Variants in GALE observed in about 807,000 individuals in gnomAD.
GALE encodes the protein UDP-glucose 4-epimerase.
A neutral mutation model predicts 44.1 loss-of-function variants in GALE; 32 were observed. The observed-to-expected ratio is 0.73, with a 90% CI of 0.55 to 0.97. The LOEUF is 0.97. GALE is among the 50% of genes least tolerant of loss of function. GALE has a pLI of 0.00. For synonymous variants in GALE, 182 were observed against 183.5 expected (o/e 0.99, Z 0.06); for missense variants, 423 against 455.6 (o/e 0.93, Z 0.65).
Position 23,798,199 on chromosome 1 carries a change from C to G in GALE, c.269G>C (p.Gly90Ala). 1 of 1,614,094 alleles carries G rather than the reference C, an allele frequency of 6.2e-7. No homozygotes were observed. Among genetic ancestry groups the G allele is most frequent in the Non-Finnish European group, 8.5e-7 (1 of 1,180,028 alleles). The change falls in exon 5 of 12, where the codon GGG (glycine) becomes GCG (alanine). Residue 90 changes from glycine to alanine, a missense_variant. Gly to Ala is a moderately conservative substitution (Grantham distance 60). Coordinates refer to ENST00000617979, the MANE Select transcript of GALE (RefSeq NM_001008216.2). This position sits in a 1 kb window ranked among gnomAD's most constrained non-coding sequence, Gnocchi z 4.5. ...YSFMAVIHFA[G>A]LKAVGESVQK... ...CACCGACTCGCCCACGGCCTTGAGC[C>G]CCGCAAAGTGGATGACCGCCATAAA... is the stretch of plus-strand genomic sequence containing the variant.
At chr1:23,797,412 G>A (rs575176509) in intron 6 of GALE, among the ~76,000 whole-genome samples, 1 of 152,248 alleles carries the variant, frequency 6.6e-6, no homozygotes, top group South Asian at 2.1e-4. Flanking sequence ...AGAGATGGGG[G>A]TTTTACCATG....
Position 23,795,901 on chromosome 1 carries a change from G to C in GALE, c.*48C>G, listed in dbSNP as rs1451835318. Reference sequence around the variant, plus strand: ...GGCCCTGAGTTCCTGCCAGAGGCTGGAGAGCAGGCAGCTGCTGCTTTTCCT... The same window carrying C: ...GGCCCTGAGTTCCTGCCAGAGGCTGCAGAGCAGGCAGCTGCTGCTTTTCCT... On this transcript the variant is annotated 3_prime_UTR_variant, in exon 12 of 12. Coordinates refer to ENST00000617979, the MANE Select transcript of GALE (RefSeq NM_001008216.2). 1 of 1,575,624 alleles carries C rather than the reference G, an allele frequency of 6.3e-7. No homozygotes were observed. The highest frequency in any genetic ancestry group is 8.7e-7 in the Non-Finnish European group (1 of 1,147,290).
chr1:23,799,034 C>T, intron 2 of GALE, 22 bp from the exon 3 acceptor site: 2 of 1,614,072 alleles, frequency 1.2e-6, no homozygotes, highest in Non-Finnish European at 1.7e-6. Flanking sequence ...TACAGAGTCT[C>T]AGAGGTGGCT....
In GALE at chr1:23,796,303, G is replaced by T; in HGVS notation, c.874-38C>A. ...AGGTAGTTGGAGCTTAGCTGAGCCG[G>T]CCCTGGCCCAGCTGCTGGCCAGGTC... On this transcript the variant is annotated intron_variant, in intron 10 of 11. Coordinates refer to ENST00000617979, the MANE Select transcript of GALE (RefSeq NM_001008216.2). This position sits in a 1 kb window ranked among gnomAD's most constrained non-coding sequence, Gnocchi z 5.2. The T allele has an allele frequency of 6.3e-7, 1 of 1,586,674 alleles. No homozygotes were observed. Among genetic ancestry groups the T allele is most frequent in the Non-Finnish European group, 8.7e-7 (1 of 1,154,950 alleles).
chr1:23,797,194 G>T, intron 6 of GALE, 47 bp from the exon 7 acceptor site: 2 of 1,354,274 alleles, frequency 1.5e-6, no homozygotes, highest in Non-Finnish European at 2.1e-6. Context: ...CAGGCAGCGT[G>T]TCCCAGCTGA....
At chr1:23,797,323 A>G (rs534582885) in intron 6 of GALE, among the ~76,000 whole-genome samples, 176 bp from the exon 7 acceptor site, 2 of 152,078 alleles carry the variant, frequency 1.3e-5, no homozygotes, top group Non-Finnish European at 2.9e-5. Context: ...GGTTCAAGCA[A>G]TTCTTGTGCC....
In GALE at chr1:23,798,955, G is replaced by C; in HGVS notation, c.53C>G (p.Thr18Arg). 9.3e-6 allele frequency: 15 copies of C among 1,614,072 alleles called. No homozygotes were observed. Among genetic ancestry groups the C allele is most frequent in the Non-Finnish European group, 1.3e-5 (15 of 1,179,976 alleles). The part of the protein sequence containing the change: ...TGGAGYIGSH[T>R]VLELLEAGYL... Reference sequence around the variant, plus strand: ...GCCAGCCTCCAGCAGCTCCAGCACCGTGTGGCTGCCAATGTAGCCAGCCCC... The same window carrying C: ...GCCAGCCTCCAGCAGCTCCAGCACCCTGTGGCTGCCAATGTAGCCAGCCCC... The change falls in exon 3 of 12, where the codon ACG becomes AGG. Residue 18 changes from threonine to arginine, a missense_variant. Transcript: ENST00000617979. The surrounding 1 kb of genome is among the most constrained non-coding windows in gnomAD (Gnocchi z 4.5).
In GALE at chr1:23,795,792, C is replaced by T; in HGVS notation, c.*157G>A. On this transcript the variant is annotated 3_prime_UTR_variant, in exon 12 of 12. Coordinates refer to ENST00000617979, the MANE Select transcript of GALE (RefSeq NM_001008216.2). ...ACCTCGGCCTCCTGGTCAGTGGAGC[C>T]CTTGGCCTCATGCCTGGTGGGCTAA... 1.4e-6 allele frequency: 1 copy of T among 712,800 alleles called. No individual in the cohort carries two copies. Among genetic ancestry groups the T allele is most frequent in the Admixed American group, 2.1e-5 (1 of 46,986 alleles). 44.2% of individuals were successfully genotyped at this position (712,800 alleles called of 1,614,324 possible).
chr1:23,799,118 G>T, intron 2 of GALE, 106 bp from the exon 3 acceptor site: 1 of 1,463,414 alleles, frequency 6.8e-7, no homozygotes, highest in Non-Finnish European at 9.4e-7. Flanking sequence ...AGGCGGCAGT[G>T]TGCCCTAGGT....
chr1:23,795,667 GTGCC>G lies in GALE; in HGVS notation c.*278_*281del, dbSNP rs1638923711. On this transcript the variant is annotated 3_prime_UTR_variant, in exon 12 of 12. Coordinates refer to ENST00000617979, the MANE Select transcript of GALE (RefSeq NM_001008216.2). ...AGCTCTTTCAGAGCAATATAAATGA[GTGCC>G]TGGGAGGAGGAGGTTTTGTGCCAGA... 6.9e-6 allele frequency: 4 copies of G among 578,366 alleles called. No homozygotes were observed. The highest frequency in any genetic ancestry group is 4.1e-5 in the South Asian group (2 of 48,462). The allele number at this position is 578,366 out of a possible 1,614,324, so 35.8% of individuals were successfully genotyped here.
In GALE at chr1:23,797,733, T is replaced by C. The variant is rs1189678189; in HGVS notation, c.490A>G (p.Ile164Val). The change falls in exon 6 of 12, where the codon ATC becomes GTC. Residue 164 changes from isoleucine (I) to valine (V), a missense_variant. Physicochemically the swap from Ile to Val is conservative, Grantham distance 29. Coordinates refer to ENST00000617979, the MANE Select transcript of GALE (RefSeq NM_001008216.2). ...CACAGGTCCCGGATCATTTCCTCGA[T>C]GAAGAACTTGGACTTGCCGTAAGGG... ...TNPYGKSKFF[I>V]EEMIRDLCQA... is the part of the protein sequence containing the mutation. 2 of 1,614,158 alleles carry C rather than the reference T, an allele frequency of 1.2e-6. No homozygotes were observed. Among genetic ancestry groups the C allele is most frequent in the South Asian group, 2.2e-5 (2 of 91,088 alleles).
Position 23,796,927 on chromosome 1 carries a change from G to A in GALE, c.658C>T (p.Arg220Trp), listed in dbSNP as rs764909409. The change falls in exon 8 of 12, where the codon CGG becomes TGG. Residue 220 changes from arginine (R) to tryptophan (W), a missense_variant. Transcript: ENST00000617979. This position sits in a 1 kb window ranked among gnomAD's most constrained non-coding sequence, Gnocchi z 5.2. ...PYVSQVAIGRREALNVFGNDY... is the reference protein window; with the variant it reads ...PYVSQVAIGRWEALNVFGNDY... ...TTGCCAAAGACATTCAGGGCCTCCC[G>A]TCGCCCGATCGCCACCTGGAGGTGG... The A allele has an allele frequency of 1.4e-5, 23 of 1,613,332 alleles. No homozygotes were observed. The highest frequency in any genetic ancestry group is 6.7e-5 in the Admixed American group (4 of 59,920).
At chr1:23,797,613 G>A (rs1639000873) in intron 6 of GALE, 82 bp downstream of exon 6, 16 of 1,376,708 alleles carry the variant, frequency 1.2e-5, no homozygotes, top group Admixed American at 5.1e-5. Context: ...GGGGGTGTTC[G>A]GAATCCCACC....
At position 23,796,026 on chromosome 1, in the gene GALE, T is replaced by A. The variant is rs1391583146; in HGVS notation, c.989-19A>T. The stretch of plus-strand genomic sequence containing the variant: ...TCCTCACCTGCAACACGGCGAGGTG[T>A]GTGCTCAGGGCCCACGGTGGAATGC... On this transcript the variant is annotated intron_variant, in intron 11 of 11. Transcript: ENST00000617979. This position sits in a 1 kb window ranked among gnomAD's most constrained non-coding sequence, Gnocchi z 5.2. 3.1e-6 allele frequency: 5 copies of A among 1,613,580 alleles called. 1 individual carries two copies. In the South Asian group the frequency reaches 5.5e-5, roughly 18 times the overall value.
intron 5 of GALE, 105 bp from the exon 6 acceptor site, chr1:23,797,976 A>G: frequency 7.3e-7 from 1 of 1,368,976 alleles, no homozygotes; most frequent in Non-Finnish European, 1.0e-6. Flanking sequence ...ACTCTCATTT[A>G]CAGATGGGGA....
chr1:23,797,946 A>C, intron 5 of GALE, 75 bp from the exon 6 acceptor site: 1 of 1,515,086 alleles, frequency 6.6e-7, no homozygotes, highest in South Asian at 1.1e-5. Flanking sequence ...CCACAGGAGA[A>C]TGGGGCTGAG....
chr1:23,798,467 G>A lies in GALE; in HGVS notation c.237+148C>T. The A allele has an allele frequency of 1.4e-6, 1 of 710,074 alleles. No individual in the cohort carries two copies. Among genetic ancestry groups the A allele is most frequent in the Non-Finnish European group, 2.5e-6 (1 of 404,138 alleles). The allele number at this position is 710,074 out of a possible 1,614,324, so 44.0% of individuals were successfully genotyped here. A position where few individuals can be genotyped will look rare whatever the true frequency, so the allele number is the denominator to read the frequency against. ...CCACAGGTATGGGCTACCATGCCCA[G>A]CTAATTTTTGTATTTTTCTGTAGAG... On this transcript the variant is annotated intron_variant, in intron 4 of 11. Coordinates refer to ENST00000617979, the MANE Select transcript of GALE (RefSeq NM_001008216.2). This position sits in a 1 kb window ranked among gnomAD's most constrained non-coding sequence, Gnocchi z 4.5.
In GALE at chr1:23,796,276, G is replaced by C. The variant is rs911512775; in HGVS notation, c.874-11C>G. The C allele has an allele frequency of 1.2e-6, 2 of 1,610,770 alleles. No individual in the cohort carries two copies. Among genetic ancestry groups the C allele is most frequent in the Non-Finnish European group, 1.7e-6 (2 of 1,176,858 alleles). ...CACCTTGTACGGGATCTGCAAGACA[G>C]GAGGTAGTTGGAGCTTAGCTGAGCC... On this transcript the variant is annotated splice_polypyrimidine_tract_variant and intron_variant, in intron 10 of 11. Coordinates refer to ENST00000617979, the MANE Select transcript of GALE (RefSeq NM_001008216.2). The surrounding 1 kb of genome is among the most constrained non-coding windows in gnomAD (Gnocchi z 5.2).
In GALE at chr1:23,797,034, C is replaced by T. The variant is rs756177345; in HGVS notation, c.642G>A (p.Gln214=). The T allele has an allele frequency of 1.9e-6, 3 of 1,612,488 alleles. No individual in the cohort carries two copies. The highest frequency in any genetic ancestry group is 2.5e-6 in the Non-Finnish European group (3 of 1,179,058). Residue 214 remains glutamine (Q), a splice_region_variant and synonymous_variant, in exon 7 of 12, where the codon CAG becomes CAA. Coordinates refer to ENST00000617979, the MANE Select transcript of GALE (RefSeq NM_001008216.2). ...CTCTGTCCCTTCCCTTTTGCCTTAC[C>T]TGGGAGACATAAGGCATGAGGTTGT... The part of the protein sequence containing the change: ...IPNNLMPYVS[Q]VAIGRREALN...
Sources: gnomAD v4.1 joint callset for allele counts (sites outside exome capture counted in the v4.1 genomes callset) on GRCh38, gnomAD v4.1.1 for gene constraint, Gnocchi (gnomAD v3.1) non-coding constraint, MANE v1.5 for transcripts, NCBI Gene and HGNC (gene_info 2026-07-23, HGNC 2026-07-21) for gene names.